The following EIF4G3 variants were observed in gnomAD, a reference collection of about 807,000 sequenced individuals.
EIF4G3 encodes the protein eIF-4-gamma 3.
EIF4G3 carries 34 observed loss-of-function variants against 186.4 expected under a neutral mutation model. That is an observed-to-expected ratio of 0.18 (90% CI 0.14 to 0.24). The LOEUF is 0.24. Among genes scored for constraint, EIF4G3 ranks in the 10% least tolerant of loss-of-function variants. The pLI is 1.00. For missense variants in EIF4G3, 1,536 were observed against 1,948.5 expected, an observed-to-expected ratio of 0.79 and a Z score of 3.99; for synonymous variants, 673 against 679.5, an observed-to-expected ratio of 0.99 and a Z score of 0.15.
intron 4 of EIF4G3, among the ~76,000 whole-genome samples, chr1:21,018,562 A>T (rs1348206528): frequency 8.0e-6 from 1 of 124,422 alleles, no homozygotes; most frequent in Non-Finnish European, 1.6e-5. Flanking sequence ...TCCTTCTCTT[A>T]AAAAAAAAAA....
At chr1:20,942,453 G>T in intron 13 of EIF4G3, 123 bp from the exon 14 acceptor site, 1 of 906,744 alleles carries the variant, frequency 1.1e-6, no homozygotes, top group South Asian at 2.6e-5. Flanking sequence ...CAATATATTA[G>T]ACTTATTCTG....
At chr1:20,963,126 C>T (rs2073802391) in intron 12 of EIF4G3, among the ~76,000 whole-genome samples, 1 of 151,632 alleles carries the variant, frequency 6.6e-6, no homozygotes, top group Non-Finnish European at 1.5e-5. Flanking sequence ...ATTTGTGTAC[C>T]TAAGTTTTGA....
chr1:21,086,800 T>C (rs2095995613), intron 3 of EIF4G3, among the ~76,000 whole-genome samples: 2 of 151,758 alleles, frequency 1.3e-5, no homozygotes, highest in African/African-American at 4.8e-5. Flanking sequence ...ATTAGCCAGG[T>C]GTGGTGATGT....
intron 12 of EIF4G3, among the ~76,000 whole-genome samples, chr1:20,955,417 T>C (rs1043636111): frequency 1.3e-5 from 2 of 152,020 alleles, no homozygotes; most frequent in African/African-American, 4.8e-5. Flanking sequence ...CTATCTTTTG[T>C]AGAGATGGGG....
chr1:20,859,919 A>G lies in EIF4G3; in HGVS notation c.3244+466T>C, dbSNP rs568141036. 4.6e-5 allele frequency among the ~76,000 whole-genome samples: 7 copies of G among 152,346 alleles called. No homozygotes were observed. In the East Asian group the frequency reaches 1.3e-3, roughly 29 times the overall value. On this transcript the variant is annotated intron_variant, in intron 24 of 36. Coordinates refer to ENST00000602326, the MANE Select transcript of EIF4G3 (RefSeq NM_001391906.1). ...GCTACAAAGTGCCCCTTTCTTAAAT[A>G]AAGTTTTCTTTCAGCTTTCTGTCTC...
At chr1:20,915,281 T>C (rs959526476) in intron 14 of EIF4G3, among the ~76,000 whole-genome samples, 2 of 152,176 alleles carry the variant, frequency 1.3e-5, no homozygotes, top group Admixed American at 1.3e-4. Flanking sequence ...TTTGGATTCT[T>C]TGCAAATACT....
intron 9 of EIF4G3, 23 bp downstream of exon 9, chr1:20,981,025 C>T: frequency 6.6e-7 from 1 of 1,506,252 alleles, no homozygotes; most frequent in Non-Finnish European, 8.9e-7. Context: ...TGCTGGACCA[C>T]CTAGGCCTCA....
intron 18 of EIF4G3, among the ~76,000 whole-genome samples, chr1:20,888,640 G>A (rs1363586606): frequency 6.6e-6 from 1 of 152,054 alleles, no homozygotes; most frequent in Non-Finnish European, 1.5e-5. Flanking sequence ...AAGTCTCTTA[G>A]TTTTGTTGTT....
At chr1:20,844,495 G>GT (rs951388517) in intron 29 of EIF4G3, among the ~76,000 whole-genome samples, 39 of 148,032 alleles carry the variant, frequency 2.6e-4, no homozygotes, top group South Asian at 6.4e-4. Flanking sequence ...TTTAGTGTGT[G>GT]TTTTTTTTTT....
At chr1:20,882,721 A>G (rs1310072594) in intron 19 of EIF4G3, among the ~76,000 whole-genome samples, 4 of 151,880 alleles carry the variant, frequency 2.6e-5, no homozygotes, top group Non-Finnish European at 5.9e-5. Flanking sequence ...GTGGGAGCCC[A>G]GGAGGTTGAA....
intron 4 of EIF4G3, among the ~76,000 whole-genome samples, chr1:21,015,606 T>A (rs2088725697): frequency 6.6e-6 from 1 of 151,890 alleles, no homozygotes; most frequent in African/African-American, 2.4e-5. Flanking sequence ...AAAAAACAAA[T>A]TTTTAAGGTA....
chr1:21,126,094 C>A (rs969525219), intron 2 of EIF4G3, among the ~76,000 whole-genome samples: 4 of 151,748 alleles, frequency 2.6e-5, no homozygotes, highest in African/African-American at 9.7e-5. Flanking sequence ...GTAGTCCCAG[C>A]TACACAGGAG....
intron 13 of EIF4G3, among the ~76,000 whole-genome samples, chr1:20,949,317 T>C (rs1275923143): frequency 6.6e-6 from 1 of 152,224 alleles, no homozygotes; most frequent in Non-Finnish European, 1.5e-5. Flanking sequence ...TCAACAAACA[T>C]TTGGCACCTT....
intron 30 of EIF4G3, among the ~76,000 whole-genome samples, chr1:20,839,901 G>A (rs545855521): frequency 1.3e-5 from 1 of 77,582 alleles, no homozygotes; most frequent in African/African-American, 4.5e-5. Context: ...ATGAGAACAT[G>A]AGCTTGGCAA....
chr1:21,170,711 G>A (rs977254218), intron 2 of EIF4G3, among the ~76,000 whole-genome samples: 1 of 151,532 alleles, frequency 6.6e-6, no homozygotes, highest in African/African-American at 2.4e-5. Flanking sequence ...GATCATGGTA[G>A]AGCATAGTAG....
intron 14 of EIF4G3, among the ~76,000 whole-genome samples, chr1:20,916,222 G>A (rs997403577): frequency 2.6e-5 from 4 of 151,948 alleles, no homozygotes; most frequent in African/African-American, 4.8e-5. Flanking sequence ...CGAGGCAGGC[G>A]GATCACGAGG....
At chr1:20,829,095 G>A in intron 31 of EIF4G3, 52 bp downstream of exon 31, 2 of 1,586,670 alleles carry the variant, frequency 1.3e-6, no homozygotes, top group Non-Finnish European at 8.6e-7. Context: ...TAGCAAGTGA[G>A]TTATTAGTCA....
intron 3 of EIF4G3, among the ~76,000 whole-genome samples, chr1:21,052,412 G>A (rs2094275075): frequency 6.6e-6 from 1 of 152,146 alleles, no homozygotes; most frequent in Non-Finnish European, 1.5e-5. Flanking sequence ...CAAACCCTTT[G>A]CCAATCTAGC....
intron 15 of EIF4G3, among the ~76,000 whole-genome samples, chr1:20,901,499 T>A (rs1020470621): frequency 2.0e-5 from 3 of 151,882 alleles, no homozygotes; most frequent in Non-Finnish European, 4.4e-5. Flanking sequence ...AATGTGAAAC[T>A]TTTTTTTAGA....
Sources: gnomAD v4.1 joint callset for allele counts (sites outside exome capture counted in the v4.1 genomes callset) on GRCh38, gnomAD v4.1.1 for gene constraint, MANE v1.5 for transcripts, NCBI Gene and HGNC (gene_info 2026-07-23, HGNC 2026-07-21) for gene names.